Variants in ILRUN observed in about 807,000 individuals in gnomAD.
ILRUN encodes protein ILRUN.
A neutral mutation model predicts 33.8 loss-of-function variants in ILRUN; 3 were observed. The ratio of observed to expected loss-of-function variants is 0.09; its 90% CI spans 0.04 to 0.23. ILRUN has a LOEUF of 0.23. ILRUN is among the 10% of genes least tolerant of loss of function. ILRUN has a pLI of 1.00. For missense variants in ILRUN, 210 were observed against 375.1 expected (o/e 0.56, Z 3.64); for synonymous variants, 124 against 138.9 (o/e 0.89, Z 0.75).
intron 1 of ILRUN, among the ~76,000 whole-genome samples, chr6:34,692,293 C>T (rs887985499): frequency 2.0e-5 from 3 of 152,144 alleles, no homozygotes; most frequent in Non-Finnish European, 4.4e-5. Context: ...TCAGGGTCTT[C>T]GCTTTTCAAT....
At chr6:34,613,216 A>AAACAAC (rs35446561) in intron 3 of ILRUN, among the ~76,000 whole-genome samples, 8 of 150,272 alleles carry the variant, frequency 5.3e-5, no homozygotes, top group South Asian at 2.1e-4. Context: ...CCTGTCTCAA[A>AAACAAC]AACAACAACA....
intron 2 of ILRUN, among the ~76,000 whole-genome samples, chr6:34,654,165 C>CAAA (rs201289435): frequency 8.2e-6 from 1 of 121,912 alleles, no homozygotes; most frequent in African/African-American, 2.9e-5. Context: ...CTTGTGGTTG[C>CAAA]AAAAAAAAAA....
intron 3 of ILRUN, among the ~76,000 whole-genome samples, chr6:34,637,338 C>T (rs1347772156): frequency 1.3e-5 from 2 of 152,074 alleles, no homozygotes; most frequent in African/African-American, 4.8e-5. Flanking sequence ...TATTTATTTT[C>T]CTTTTAACAG....
intron 1 of ILRUN, among the ~76,000 whole-genome samples, chr6:34,671,678 A>C (rs1014759693): frequency 2.0e-5 from 3 of 152,262 alleles, no homozygotes; most frequent in Non-Finnish European, 4.4e-5. Context: ...TAAAGACTGA[A>C]GGCTGAATGC....
chr6:34,593,306 C>CT (rs1761333870), intron 4 of ILRUN, among the ~76,000 whole-genome samples: 1 of 152,056 alleles, frequency 6.6e-6, no homozygotes. Flanking sequence ...CTAAATTTAA[C>CT]TGCTTTCCAG....
In ILRUN at chr6:34,605,230, C is replaced by CG. The variant is rs1212086476; in HGVS notation, c.861+1324dup. Among the ~76,000 whole-genome samples the CG allele has an allele frequency of 2.7e-5, 4 of 148,820 alleles. No individual in the cohort carries two copies. In the East Asian group the frequency reaches 8.1e-4, roughly 30 times the overall value. On this transcript the variant is annotated intron_variant, in intron 4 of 4. Transcript: ENST00000374023. ...CTGAGGCAGGAGAATCACTTGAACCCGGGAGGCAGAGGTTGCAGTGAGCCG... is the reference window on the plus strand; with the variant it reads ...CTGAGGCAGGAGAATCACTTGAACCCGGGGAGGCAGAGGTTGCAGTGAGCCG...
intron 1 of ILRUN, among the ~76,000 whole-genome samples, chr6:34,679,241 T>C (rs1261279231): frequency 3.3e-5 from 5 of 151,966 alleles, no homozygotes; most frequent in Admixed American, 1.3e-4. Flanking sequence ...ATGCGCTACA[T>C]TGATGAGATG....
chr6:34,656,632 T>C (rs1329694876), intron 1 of ILRUN, among the ~76,000 whole-genome samples: 1 of 152,186 alleles, frequency 6.6e-6, no homozygotes, highest in Non-Finnish European at 1.5e-5. Flanking sequence ...TAATTATACA[T>C]AAACATAGCA....
At position 34,615,039 on chromosome 6, in the gene ILRUN, T is replaced by C. The variant is rs77314314; in HGVS notation, c.512-8135A>G. Among the ~76,000 whole-genome samples, 33 of 152,228 alleles carry C rather than the reference T, an allele frequency of 2.2e-4. No individual in the cohort carries two copies. In the East Asian group the frequency reaches 5.2e-3, roughly 24 times the overall value. ...ACTAAGTGTAATGTGGTAGCCTAGA[T>C]TGGATTCTGGAATAGAAACAGGTCA... On this transcript the variant is annotated intron_variant, in intron 3 of 4. Coordinates refer to ENST00000374023, the MANE Select transcript of ILRUN (RefSeq NM_024294.4).
At chr6:34,634,877 GA>G (rs112546638) in intron 3 of ILRUN, among the ~76,000 whole-genome samples, 6 of 151,744 alleles carry the variant, frequency 4.0e-5, no homozygotes, top group African/African-American at 7.3e-5. Flanking sequence ...ATTTCTTACA[GA>G]AAAAAAATGG....
intron 3 of ILRUN, among the ~76,000 whole-genome samples, chr6:34,609,501 G>C (rs1354141792): frequency 6.6e-6 from 1 of 151,884 alleles, no homozygotes; most frequent in East Asian, 1.9e-4. Flanking sequence ...AAAAAAAAAG[G>C]TGGGGTGGAA....
At chr6:34,650,904 ATTAT>A (rs1762654356) in intron 2 of ILRUN, among the ~76,000 whole-genome samples, 1 of 152,162 alleles carries the variant, frequency 6.6e-6, no homozygotes, top group Non-Finnish European at 1.5e-5. Flanking sequence ...CATAAAAATT[ATTAT>A]TTATGTAGCT....
chr6:34,629,005 G>C (rs1401556653), intron 3 of ILRUN, among the ~76,000 whole-genome samples: 1 of 152,124 alleles, frequency 6.6e-6, no homozygotes, highest in African/African-American at 2.4e-5. Flanking sequence ...CAGCTACTTG[G>C]GAGGCTGAGG....
chr6:34,674,566 C>T (rs1297151564), intron 1 of ILRUN, among the ~76,000 whole-genome samples: 1 of 151,964 alleles, frequency 6.6e-6, no homozygotes, highest in Non-Finnish European at 1.5e-5. Context: ...TAACAAAACC[C>T]AAAAATCAGT....
At chr6:34,688,746 G>A (rs1226034165) in intron 1 of ILRUN, among the ~76,000 whole-genome samples, 5 of 152,050 alleles carry the variant, frequency 3.3e-5, no homozygotes, top group Non-Finnish European at 7.4e-5. Context: ...CCAGGAGGCA[G>A]AGGTTGTAGT....
intron 1 of ILRUN, among the ~76,000 whole-genome samples, chr6:34,668,786 A>C (rs956462598): frequency 6.6e-6 from 1 of 151,598 alleles, no homozygotes; most frequent in African/African-American, 2.4e-5. Flanking sequence ...CAATCCTCTC[A>C]TCTCAGCCTC....
intron 3 of ILRUN, among the ~76,000 whole-genome samples, chr6:34,611,057 C>T: frequency 6.7e-6 from 1 of 149,588 alleles, no homozygotes; most frequent in East Asian, 1.9e-4. Flanking sequence ...CTCCCCCTCC[C>T]CCTCTCCTTC....
At chr6:34,652,302 T>A (rs1762687167) in intron 2 of ILRUN, among the ~76,000 whole-genome samples, 1 of 152,196 alleles carries the variant, frequency 6.6e-6, no homozygotes, top group Non-Finnish European at 1.5e-5. Context: ...TATGGCTATT[T>A]TCCTCTGTTA....
chr6:34,649,542 T>TAAAAAC (rs1237391578), intron 2 of ILRUN, among the ~76,000 whole-genome samples: 1 of 151,850 alleles, frequency 6.6e-6, no homozygotes, highest in Non-Finnish European at 1.5e-5. Flanking sequence ...TAAAATAAAG[T>TAAAAAC]AAAAACAAAA....
Sources: allele counts gnomAD v4.1 joint callset (sites outside exome capture counted in the v4.1 genomes callset), GRCh38; gene constraint gnomAD v4.1.1; transcripts MANE v1.5; gene names NCBI Gene and HGNC (gene_info 2026-07-23, HGNC 2026-07-21).